HERPUD2: variants seen among roughly 807,000 people sequenced by gnomAD.
HERPUD2 encodes the protein HERPUD family member 2, also known as homocysteine-responsive endoplasmic reticulum-resident ubiquitin-like domain member 2 protein.
In HERPUD2, 13 loss-of-function variants were observed where a neutral mutation model predicts 49.9. That is an observed-to-expected ratio of 0.26 (90% CI 0.17 to 0.41). HERPUD2 has a LOEUF of 0.41. HERPUD2 is among the 10% of genes least tolerant of loss of function. The pLI, the probability that HERPUD2 is intolerant of heterozygous loss-of-function variation, is 1.00. For missense variants in HERPUD2, 449 were observed against 492.2 expected, an observed-to-expected ratio of 0.91 and a Z score of 0.83; for synonymous variants, 172 against 171.4, an observed-to-expected ratio of 1.00 and a Z score of -0.03.
chr7:35,635,191 G>T lies in HERPUD2; in HGVS notation c.885C>A (p.Phe295Leu). Reference protein sequence around the residue: ...RAAILLSIVYFYSSFSRFIMV... With the variant: ...RAAILLSIVYLYSSFSRFIMV... ...TGATAAACCGACTAAAAGAAGAATA[G>T]AAGTATACAATGCTAAGGAGAATCG... The change falls in exon 7 of 9, where the codon TTC becomes TTA. Residue 295 changes from phenylalanine (F) to leucine (L), a missense_variant. Transcript: ENST00000311350. 1 of 1,614,130 alleles carries T rather than the reference G, an allele frequency of 6.2e-7. No individual in the cohort carries two copies. Among genetic ancestry groups the T allele is most frequent in the Non-Finnish European group, 8.5e-7 (1 of 1,179,982 alleles).
At chr7:35,667,778 CTTAA>C (rs1001049976) in intron 4 of HERPUD2, among the ~76,000 whole-genome samples, 190 bp from the exon 5 acceptor site, 22 of 152,178 alleles carry the variant, frequency 1.4e-4, no homozygotes, top group South Asian at 4.1e-4. Context: ...ATCAAAACTG[CTTAA>C]TTAAACTAAA....
intron 2 of HERPUD2, among the ~76,000 whole-genome samples, chr7:35,686,887 G>A (rs1460018144): frequency 7.6e-6 from 1 of 131,566 alleles, no homozygotes; most frequent in East Asian, 2.6e-4. Context: ...CTAACATGGT[G>A]AAACCCCGTC....
intron 5 of HERPUD2, among the ~76,000 whole-genome samples, chr7:35,656,646 GA>G (rs1184501861): frequency 3.3e-5 from 5 of 152,012 alleles, no homozygotes; most frequent in Admixed American, 3.3e-4. Flanking sequence ...TAACAGAGAA[GA>G]CAGAAATAAA....
chr7:35,633,701 C>G lies in HERPUD2; in HGVS notation c.1210G>C (p.Val404Leu), dbSNP rs1182722765. 6.2e-7 allele frequency: 1 copy of G among 1,613,254 alleles called. No individual in the cohort carries two copies. Among genetic ancestry groups the G allele is most frequent in the East Asian group, 2.2e-5 (1 of 44,838 alleles). ...CACAGTTTTTCAGGTCAATTGGCAA[C>G]CTGGGGAGGCCCCTCTGGTATTAGT... ...TSLIPEGPPQ[V>L]AN Residue 404 changes from valine to leucine, a missense_variant, in exon 9 of 9, where the codon GTT becomes CTT. Val to Leu is a conservative substitution (Grantham distance 32, BLOSUM62 1). Transcript: ENST00000311350.
intron 2 of HERPUD2, among the ~76,000 whole-genome samples, chr7:35,678,295 T>C (rs1435471910): frequency 6.6e-6 from 1 of 152,084 alleles, no homozygotes; most frequent in Non-Finnish European, 1.5e-5. Flanking sequence ...CTCAGTTTTT[T>C]TGTTGTTGCT....
intron 5 of HERPUD2, among the ~76,000 whole-genome samples, chr7:35,645,470 C>T (rs1045951519): frequency 1.3e-5 from 2 of 152,012 alleles, no homozygotes; most frequent in African/African-American, 4.8e-5. Flanking sequence ...AAGAATGGGA[C>T]AGCTCTTGTG....
At chr7:35,667,623 T>C (rs1562679818) in intron 4 of HERPUD2, 35 bp from the exon 5 acceptor site, 7 of 1,526,122 alleles carry the variant, frequency 4.6e-6, no homozygotes, top group South Asian at 1.1e-5. Context: ...AAAGGAGATT[T>C]AGTTCTTTAC....
rs1349649716 is a variant in HERPUD2 at position 35,674,396 on chromosome 7, TATATATATAGAGAGAGAGAGAGAG to T, written c.148-1142_148-1119del. ...CTTACAACCTATATATATATATATA[TATATATATAGAGAGAGAGAGAGAG>T]AGAGAGAGAGAGAGAGAGAGAGAGA... is the stretch of plus-strand genomic sequence containing the variant. On this transcript the variant is annotated intron_variant, in intron 2 of 8. Coordinates refer to ENST00000311350, the MANE Select transcript of HERPUD2 (RefSeq NM_022373.5). 1.7e-4 allele frequency among the ~76,000 whole-genome samples: 10 copies of T among 59,702 alleles called. No homozygotes were observed. The South Asian group carries it at 3.3e-3, about 19-fold the overall frequency. The allele number at this position is 59,702 out of a possible 152,430, so 39.2% of individuals were successfully genotyped here.
intron 2 of HERPUD2, among the ~76,000 whole-genome samples, chr7:35,676,511 T>C (rs1785764498): frequency 1.3e-5 from 2 of 152,188 alleles, no homozygotes; most frequent in Non-Finnish European, 2.9e-5. Flanking sequence ...AAGTTCATCT[T>C]ACACATTTCA....
rs567720750 is a variant in HERPUD2 at position 35,664,359 on chromosome 7, T to C, written c.494+3075A>G. ...ATTTCAACTTTGGTGAATCTGACAA[T>C]TATGTGTCTTGGAATTGCTATTCTC... On this transcript the variant is annotated intron_variant, in intron 5 of 8. Coordinates refer to ENST00000311350, the MANE Select transcript of HERPUD2 (RefSeq NM_022373.5). Among the ~76,000 whole-genome samples, 6 of 152,308 alleles carry C rather than the reference T, an allele frequency of 3.9e-5. No homozygotes were observed. The East Asian group carries it at 9.6e-4, about 24-fold the overall frequency.
At chr7:35,662,954 G>A (rs1355549760) in intron 5 of HERPUD2, among the ~76,000 whole-genome samples, 1 of 152,076 alleles carries the variant, frequency 6.6e-6, no homozygotes, top group African/African-American at 2.4e-5. Context: ...TCTTTTAATT[G>A]TGATGTTAGG....
intron 5 of HERPUD2, among the ~76,000 whole-genome samples, chr7:35,649,271 T>C (rs1485786237): frequency 6.6e-6 from 1 of 151,432 alleles, no homozygotes; most frequent in Non-Finnish European, 1.5e-5. Context: ...AAAAAAAAGT[T>C]GTGGATTTAT....
intron 2 of HERPUD2, among the ~76,000 whole-genome samples, chr7:35,675,831 G>A (rs1487414395): frequency 1.3e-5 from 2 of 152,094 alleles, no homozygotes; most frequent in Non-Finnish European, 2.9e-5. Context: ...GCTATTCACA[G>A]GTGCGATCAT....
At chr7:35,657,377 G>A (rs1320060430) in intron 5 of HERPUD2, among the ~76,000 whole-genome samples, 12 of 152,032 alleles carry the variant, frequency 7.9e-5, no homozygotes, top group Non-Finnish European at 1.8e-4. Context: ...TGGCTAGGAT[G>A]GGGAGAAAAG....
chr7:35,655,357 C>G (rs371254498), intron 5 of HERPUD2, among the ~76,000 whole-genome samples: 1 of 152,140 alleles, frequency 6.6e-6, no homozygotes, highest in Non-Finnish European at 1.5e-5. Context: ...AACAGCACAT[C>G]AAAAAGAGAA....
intron 2 of HERPUD2, among the ~76,000 whole-genome samples, chr7:35,673,503 G>C (rs1785687733): frequency 1.3e-5 from 2 of 152,114 alleles, no homozygotes; most frequent in Admixed American, 1.3e-4. Context: ...ATAAAGTACA[G>C]ATAATTAATA....
intron 2 of HERPUD2, among the ~76,000 whole-genome samples, chr7:35,678,924 TA>T (rs1254051260): frequency 6.6e-6 from 1 of 152,200 alleles, no homozygotes; most frequent in Non-Finnish European, 1.5e-5. Context: ...GAAAACTCAG[TA>T]TTTGGGACTA....
In HERPUD2 at chr7:35,635,262, A is replaced by G; in HGVS notation, c.814T>C (p.Phe272Leu). The G allele has an allele frequency of 3.7e-6, 6 of 1,614,194 alleles. No homozygotes were observed. The highest frequency in any genetic ancestry group is 4.2e-6 in the Non-Finnish European group (5 of 1,180,026). ...ATCCAGTCTAGCCAGTCTCGATTGA[A>G]GTCTTCTTCATTTAGTACTGGACCT... Reference protein sequence around the residue: ...QGGPVLNEEDFNRDWLDWMYT... With the variant: ...QGGPVLNEEDLNRDWLDWMYT... Residue 272 changes from phenylalanine (F) to leucine (L), a missense_variant, in exon 7 of 9, where the codon TTC becomes CTC. Phe to Leu is a conservative substitution (Grantham distance 22, BLOSUM62 0). Transcript: ENST00000311350.
intron 5 of HERPUD2, among the ~76,000 whole-genome samples, chr7:35,641,562 G>C (rs1784967647): frequency 6.6e-6 from 1 of 152,160 alleles, no homozygotes; most frequent in Non-Finnish European, 1.5e-5. Flanking sequence ...CATGTTACCT[G>C]ACTTCAAACT....
Sources: gnomAD v4.1 joint callset for allele counts (sites outside exome capture counted in the v4.1 genomes callset) on GRCh38, gnomAD v4.1.1 for gene constraint, MANE v1.5 for transcripts, NCBI Gene and HGNC (gene_info 2026-07-23, HGNC 2026-07-21) for gene names.